The following PDE4D variants were observed in gnomAD, a reference collection of about 807,000 sequenced individuals.
The protein encoded by PDE4D is phosphodiesterase 4D, also known as 3',5'-cyclic-AMP phosphodiesterase 4D.
PDE4D carries 24 observed loss-of-function variants against 87.4 expected under a neutral mutation model. The ratio of observed to expected loss-of-function variants is 0.27; its 90% CI spans 0.20 to 0.39. PDE4D has a LOEUF of 0.39. Ranked by LOEUF, PDE4D falls within the 10% of genes least tolerant of loss-of-function variation. PDE4D has a pLI of 1.00. For missense variants in PDE4D, 714 were observed against 1,041.0 expected (o/e 0.69, Z 4.32); for synonymous variants, 384 against 383.2 (o/e 1.00, Z -0.02).
chr5:59,154,873 G>T (rs942739864), intron 5 of PDE4D, among the ~76,000 whole-genome samples: 5 of 152,152 alleles, frequency 3.3e-5, no homozygotes, highest in Non-Finnish European at 5.9e-5. Flanking sequence ...GCAACAGAGT[G>T]AGACAACTCT....
intron 1 of PDE4D, among the ~76,000 whole-genome samples, chr5:59,327,207 A>T (rs1775861807): frequency 1.3e-5 from 2 of 151,930 alleles, no homozygotes; most frequent in African/African-American, 4.8e-5. Flanking sequence ...AAAAAAAAAA[A>T]AAATTAAATT....
intron 1 of PDE4D, among the ~76,000 whole-genome samples, chr5:59,501,703 G>T (rs1358270161): frequency 1.3e-5 from 2 of 152,094 alleles, no homozygotes; most frequent in African/African-American, 4.8e-5. Context: ...AAAATATTCA[G>T]AATATAAAAT....
intron 1 of PDE4D, among the ~76,000 whole-genome samples, chr5:59,758,426 AG>A (rs1420555286): frequency 1.3e-5 from 2 of 152,194 alleles, no homozygotes; most frequent in Non-Finnish European, 2.9e-5. Context: ...ATTTCTTCTC[AG>A]ATCAACTTTT....
At chr5:59,260,947 A>G (rs1167212457) in intron 1 of PDE4D, among the ~76,000 whole-genome samples, 1 of 151,668 alleles carries the variant, frequency 6.6e-6, no homozygotes, top group Non-Finnish European at 1.5e-5. Context: ...CAAAAAAAAA[A>G]AAAAAGCAGA....
chr5:59,027,409 A>T (rs1410585885), intron 6 of PDE4D, among the ~76,000 whole-genome samples: 3 of 152,146 alleles, frequency 2.0e-5, no homozygotes, highest in African/African-American at 7.2e-5. Context: ...GTCAATATGC[A>T]CAGCTCACAC....
chr5:59,906,401 T>C (rs1236842331), intron 3 of PDE4D, among the ~76,000 whole-genome samples: 1 of 152,108 alleles, frequency 6.6e-6, no homozygotes, highest in African/African-American at 2.4e-5. Context: ...ACAATAGAAA[T>C]AGCACATACT....
chr5:58,976,364 A>C lies in PDE4D; in HGVS notation c.1816T>G (p.Ser606Ala). The C allele has an allele frequency of 6.2e-7, 1 of 1,611,186 alleles. No individual in the cohort carries two copies. The highest frequency in any genetic ancestry group is 8.5e-7 in the Non-Finnish European group (1 of 1,178,828). The change falls in exon 13 of 15, where the codon TCC becomes GCC. Residue 606 changes from serine (S) to alanine (A), a missense_variant. Physicochemically the swap from Ser to Ala is moderately conservative, Grantham distance 99 (BLOSUM62 1). This residue lies in a region of PDE4D where 97 missense variants were observed against 176.9 expected (regional missense o/e 0.55). Transcript: ENST00000340635. ...CAAGGCTTTACCTGAATCCTATCGG[A>C]ATAATTATCAAGAAGAAGAACTCCA... ...SSGVLLLDNY[S>A]DRIQVLQNMV...
At chr5:60,157,891 CCCTTCCTT>C (rs112255610) in intron 2 of PDE4D, among the ~76,000 whole-genome samples, 96,800 of 146,664 alleles carry the variant, frequency 0.66, 32,529 homozygotes, top group Middle Eastern at 0.69. Context: ...CCCTTTCTTT[CCCTTCCTT>C]CCTTCCTTCC....
chr5:60,441,738 C>T (rs1745231474), intron 1 of PDE4D, among the ~76,000 whole-genome samples: 1 of 151,954 alleles, frequency 6.6e-6, no homozygotes, highest in Non-Finnish European at 1.5e-5. Flanking sequence ...AACAAATTTA[C>T]AAGAAAGAAA....
chr5:59,047,514 A>G (rs1283264901), intron 5 of PDE4D, among the ~76,000 whole-genome samples: 9 of 152,206 alleles, frequency 5.9e-5, no homozygotes, highest in Admixed American at 2.0e-4. Flanking sequence ...TTGCTTTTCA[A>G]AAAGATTACT....
intron 6 of PDE4D, among the ~76,000 whole-genome samples, chr5:59,012,580 A>G (rs1203539520): frequency 6.6e-6 from 1 of 152,242 alleles, no homozygotes; most frequent in Non-Finnish European, 1.5e-5. Flanking sequence ...TGGTAAAGGG[A>G]TCAATTCAAC....
chr5:59,022,528 T>C (rs1755387886), intron 6 of PDE4D, among the ~76,000 whole-genome samples: 1 of 152,222 alleles, frequency 6.6e-6, no homozygotes, highest in Admixed American at 6.5e-5. Context: ...TCCGTGAGTT[T>C]ATCCTATATC....
intron 1 of PDE4D, among the ~76,000 whole-genome samples, chr5:59,240,334 T>C (rs971426868): frequency 2.6e-5 from 4 of 152,194 alleles, no homozygotes; most frequent in African/African-American, 9.7e-5. Context: ...TAAAAACTCT[T>C]GTTGAATAGC....
At chr5:59,552,193 T>C (rs1202161824) in intron 1 of PDE4D, among the ~76,000 whole-genome samples, 1 of 152,196 alleles carries the variant, frequency 6.6e-6, no homozygotes, top group Non-Finnish European at 1.5e-5. Context: ...TACTCCAGCC[T>C]GGACAACAGT....
intron 2 of PDE4D, among the ~76,000 whole-genome samples, chr5:60,180,311 C>A (rs536105789): frequency 1.3e-5 from 2 of 152,052 alleles, no homozygotes; most frequent in African/African-American, 2.4e-5. Context: ...GAGAAAAATT[C>A]TTTTTATCTA....
intron 1 of PDE4D, among the ~76,000 whole-genome samples, chr5:59,781,478 A>G (rs1482395872): frequency 6.6e-6 from 1 of 151,896 alleles, no homozygotes; most frequent in Non-Finnish European, 1.5e-5. Context: ...TAGACAGTCA[A>G]CACCATTAAA....
intron 1 of PDE4D, 71 bp downstream of exon 1, chr5:59,893,093 CGACT>C: frequency 7.0e-7 from 1 of 1,424,106 alleles, no homozygotes; most frequent in Non-Finnish European, 9.5e-7. Flanking sequence ...GGTGATAAGC[CGACT>C]TAGATGGAGT....
chr5:60,289,167 G>T (rs1752676520), intron 1 of PDE4D, among the ~76,000 whole-genome samples: 1 of 152,124 alleles, frequency 6.6e-6, no homozygotes, highest in Non-Finnish European at 1.5e-5. Context: ...CCCCAGAGTG[G>T]TTTAAAGGAA....
intron 1 of PDE4D, among the ~76,000 whole-genome samples, chr5:59,745,752 A>T (rs1561581471): frequency 6.6e-6 from 1 of 152,166 alleles, no homozygotes. Flanking sequence ...TAGGGCAAAA[A>T]AAAAGAAAGA....
Sources: allele counts gnomAD v4.1 joint callset (sites outside exome capture counted in the v4.1 genomes callset), GRCh38; gene constraint gnomAD v4.1.1; regional missense constraint gnomAD v4.1.1; transcripts MANE v1.5; gene names NCBI Gene and HGNC (gene_info 2026-07-23, HGNC 2026-07-21).